Variants in NCR1 observed in about 807,000 individuals in gnomAD.
NCR1 encodes natural cytotoxicity triggering receptor 1, also known as NK cell-activating receptor.
In NCR1, 30 loss-of-function variants were observed where a neutral mutation model predicts 32.5. The ratio of observed to expected loss-of-function variants is 0.92; its 90% CI spans 0.69 to 1.25. The LOEUF (loss-of-function observed/expected upper bound fraction) is 1.25, where lower values mean the gene tolerates loss of function less well. Among genes scored for constraint, NCR1 ranks in the 50% most tolerant of loss-of-function variants. The pLI, the probability that NCR1 is intolerant of heterozygous loss-of-function variation, is 0.00. For synonymous variants in NCR1, 169 were observed against 143.4 expected (o/e 1.18, Z -1.28); for missense variants, 369 against 380.7 (o/e 0.97, Z 0.26).
the NCR1 span, among the ~76,000 whole-genome samples, chr19:54,926,019 CA>C: frequency 4.9e-5 from 7 of 142,306 alleles, no homozygotes; most frequent in Admixed American, 4.2e-4. Context: ...AAGACAGATT[CA>C]AAAAAAAAGA....
chr19:54,909,587 C>A (rs1010861750), intron 4 of NCR1, 64 bp downstream of exon 4: 1 of 1,540,936 alleles, frequency 6.5e-7, no homozygotes, highest in East Asian at 2.3e-5. Flanking sequence ...CCTGAGGGAT[C>A]CCCAGAGAGT....
At chr19:54,906,026 C>T, upstream of NCR1, 3 of 814,314 alleles carry the variant, frequency 3.7e-6, no homozygotes, top group East Asian at 5.3e-5. Context: ...AGCTCATGGT[C>T]AGAGGCGGAG....
intron 5 of NCR1, among the ~76,000 whole-genome samples, chr19:54,911,388 G>A (rs1189661072): frequency 9.4e-6 from 1 of 106,848 alleles, no homozygotes; most frequent in Non-Finnish European, 2.4e-5. Context: ...AAAAAAAATA[G>A]TGAGACTTTG....
chr19:54,936,415 G>C, the NCR1 span: 278 of 1,613,996 alleles, frequency 1.7e-4, no homozygotes, highest in Non-Finnish European at 2.2e-4. Flanking sequence ...GCGGTGTCAG[G>C]GGTGACGTTT....
At chr19:54,900,234 C>CA in the NCR1 span, among the ~76,000 whole-genome samples, 11 of 152,148 alleles carry the variant, frequency 7.2e-5, no homozygotes, top group Non-Finnish European at 1.3e-4. Flanking sequence ...GTGTGAGCAA[C>CA]AAGGCTGTTT....
At chr19:54,931,716 G>A in the NCR1 span, among the ~76,000 whole-genome samples, 39,586 of 150,818 alleles carry the variant, frequency 0.26, 5,371 homozygotes, top group East Asian at 0.41. Flanking sequence ...CAGGTGTGGC[G>A]GCCCATGCCT....
chr19:54,930,671 A>C, the NCR1 span: 1 of 1,613,024 alleles, frequency 6.2e-7, no homozygotes, highest in Admixed American at 1.7e-5. Context: ...TGTAACCTAC[A>C]GGATAATCAA....
At chr19:54,927,731 C>A in the NCR1 span, 1 of 1,614,050 alleles carries the variant, frequency 6.2e-7, no homozygotes, top group Non-Finnish European at 8.5e-7. Flanking sequence ...GAGAGCAGAT[C>A]CAAGATGCTG....
At chr19:54,934,720 T>C in the NCR1 span, 1 of 1,401,034 alleles carries the variant, frequency 7.1e-7, no homozygotes, top group South Asian at 1.3e-5. The surrounding 1 kb of genome is among the most constrained non-coding windows in gnomAD (Gnocchi z 6.7). Context: ...TATCAGCTTT[T>C]TTTTTTTGAG....
upstream of NCR1, among the ~76,000 whole-genome samples, chr19:54,903,407 TATACACGCATACATGTATG>T (rs2067353160): frequency 2.1e-5 from 3 of 145,652 alleles, no homozygotes; most frequent in African/African-American, 7.7e-5. Flanking sequence ...TATATGTATG[TATACACGCATACATGTATG>T]TATACACGCA....
chr19:54,926,497 G>C, the NCR1 span, among the ~76,000 whole-genome samples: 5 of 152,098 alleles, frequency 3.3e-5, no homozygotes, highest in South Asian at 4.1e-4. Context: ...AGCCATCCCA[G>C]GGCCGAGCAC....
intron 3 of NCR1, among the ~76,000 whole-genome samples, chr19:54,908,136 C>T (rs1050471009): frequency 6.6e-6 from 1 of 152,028 alleles, no homozygotes; most frequent in African/African-American, 2.4e-5. Flanking sequence ...GTCCCTGCGG[C>T]CTTCCGCAGT....
At chr19:54,928,863 C>T in the NCR1 span, among the ~76,000 whole-genome samples, 5 of 151,798 alleles carry the variant, frequency 3.3e-5, no homozygotes, top group Admixed American at 6.6e-5. Flanking sequence ...AGTGCAATGG[C>T]GTGATCTCGG....
At chr19:54,898,801 A>G in the NCR1 span, among the ~76,000 whole-genome samples, 3 of 152,262 alleles carry the variant, frequency 2.0e-5, no homozygotes, top group Admixed American at 2.0e-4. Flanking sequence ...AACCTTGACT[A>G]TGCCTTTAGC....
chr19:54,906,430 C>T, intron 2 of NCR1, 93 bp from the exon 3 acceptor site: 1 of 1,600,998 alleles, frequency 6.2e-7, no homozygotes, highest in Non-Finnish European at 8.5e-7. Context: ...AGGGTGCTGG[C>T]TTCCCAGGAG....
downstream of NCR1, among the ~76,000 whole-genome samples, chr19:54,913,415 A>G (rs2068067431): frequency 6.6e-6 from 1 of 152,142 alleles, no homozygotes; most frequent in African/African-American, 2.4e-5. Context: ...TTTTTGTACC[A>G]CTTACTGCAA....
the NCR1 span, among the ~76,000 whole-genome samples, chr19:54,900,527 C>G: frequency 2.6e-5 from 4 of 151,924 alleles, no homozygotes; most frequent in Non-Finnish European, 5.9e-5. Context: ...AGGCAGGAAC[C>G]GGCCATCTGG....
chr19:54,898,638 T>G, the NCR1 span, among the ~76,000 whole-genome samples: 86 of 152,284 alleles, frequency 5.6e-4, 2 homozygotes, highest in Middle Eastern at 3.4e-3. Flanking sequence ...ATATTGAGAA[T>G]AAGACGGCCT....
intron 3 of NCR1, among the ~76,000 whole-genome samples, chr19:54,908,441 C>G (rs1338943074): frequency 1.3e-5 from 2 of 152,192 alleles, no homozygotes; most frequent in Non-Finnish European, 2.9e-5. Context: ...CCACATTTCC[C>G]CTTTTTCTAT....
Sources: gnomAD v4.1 joint callset for allele counts (sites outside exome capture counted in the v4.1 genomes callset) on GRCh38, gnomAD v4.1.1 for gene constraint, Gnocchi (gnomAD v3.1) non-coding constraint, MANE v1.5 for transcripts, NCBI Gene and HGNC (gene_info 2026-07-23, HGNC 2026-07-21) for gene names.